The following ZBED3 variants were observed in gnomAD, a reference collection of about 807,000 sequenced individuals.
ZBED3 encodes the protein zinc finger BED-type containing 3.
For missense variants in ZBED3, 388 were observed against 362.9 expected, an observed-to-expected ratio of 1.07 and a Z score of -0.56; for synonymous variants, 175 against 180.0, an observed-to-expected ratio of 0.97 and a Z score of 0.22.
intron 1 of ZBED3, among the ~76,000 whole-genome samples, chr5:77,081,934 G>T (rs1388409114): frequency 1.3e-5 from 2 of 152,008 alleles, no homozygotes; most frequent in South Asian, 4.2e-4. Context: ...CAACAATTCT[G>T]ATACCTGTGT....
chr5:77,075,967 G>GTATATA lies in ZBED3; in HGVS notation c.*1206_*1207insTATATA. The GTATATA allele has an allele frequency of 3.3e-5, 1 of 30,626 alleles. No homozygotes were observed. Among genetic ancestry groups the GTATATA allele is most frequent in the Non-Finnish European group, 6.8e-5 (1 of 14,746 alleles). The allele number at this position is 30,626 out of a possible 1,614,324, so 1.9% of individuals were successfully genotyped here. ...TACATATATATATATATATATATAT[G>GTATATA]TATATGTATATATGTATATATATAT... On this transcript the variant is annotated 3_prime_UTR_variant, in exon 3 of 3. Coordinates refer to ENST00000255198, the MANE Select transcript of ZBED3 (RefSeq NM_032367.4).
In ZBED3 at chr5:77,075,434, A is replaced by C. The variant is rs1742955588; in HGVS notation, c.*1740T>G. The C allele has an allele frequency of 6.6e-6, 1 of 152,322 alleles. No individual in the cohort carries two copies. Among genetic ancestry groups the C allele is most frequent in the East Asian group, 1.9e-4 (1 of 5,176 alleles). 9.4% of individuals were successfully genotyped at this position (152,322 alleles called of 1,614,324 possible). A position where few individuals can be genotyped will look rare whatever the true frequency, so the allele number is the denominator to read the frequency against. ...GAATACTGATTAAGGGCTCTGTATTAGAGGCTATAAAGAAGTTACTGTTTA... is the reference window on the plus strand; with the variant it reads ...GAATACTGATTAAGGGCTCTGTATTCGAGGCTATAAAGAAGTTACTGTTTA... On this transcript the variant is annotated 3_prime_UTR_variant, in exon 3 of 3. Transcript: ENST00000255198.
Position 77,077,215 on chromosome 5 carries a change from C to G in ZBED3, c.664G>C (p.Gly222Arg). The change falls in exon 3 of 3, where the codon GGT (glycine) becomes CGT (arginine). Residue 222 changes from glycine (G) to arginine (R), a missense_variant. By Grantham distance (125) the Gly-to-Arg change is moderately radical. Transcript: ENST00000255198. ...APPPLKDDPEGDRDGCVITKV... is the reference protein window; with the variant it reads ...APPPLKDDPERDRDGCVITKV... ...GTGATGACGCAGCCGTCCCTGTCAC[C>G]CTCGGGGTCGTCCTTGAGCGGCGGC... 4.0e-6 allele frequency: 6 copies of G among 1,500,756 alleles called. No individual in the cohort carries two copies. Among genetic ancestry groups the G allele is most frequent in the Non-Finnish European group, 5.3e-6 (6 of 1,130,862 alleles). 93.0% of individuals were successfully genotyped at this position (1,500,756 alleles called of 1,614,324 possible).
At chr5:77,081,205 A>G (rs886126219) in intron 1 of ZBED3, among the ~76,000 whole-genome samples, 1 of 152,232 alleles carries the variant, frequency 6.6e-6, no homozygotes, top group Non-Finnish European at 1.5e-5. Flanking sequence ...TTTTACATCC[A>G]TCACACCAAG....
At chr5:77,085,143 A>C (rs1365751153) in intron 1 of ZBED3, among the ~76,000 whole-genome samples, 1 of 152,218 alleles carries the variant, frequency 6.6e-6, no homozygotes, top group African/African-American at 2.4e-5. Flanking sequence ...CATTTGACTC[A>C]ATTTCTGAAG....
Position 77,076,049 on chromosome 5 carries a change from A to G in ZBED3, c.*1125T>C, listed in dbSNP as rs868607641. ...TATATATATGTATATATGTATATATATATATAATATATACACACATAAAGA... is the reference window on the plus strand; with the variant it reads ...TATATATATGTATATATGTATATATGTATATAATATATACACACATAAAGA... On this transcript the variant is annotated 3_prime_UTR_variant, in exon 3 of 3. Transcript: ENST00000255198. 6.9e-4 allele frequency: 86 copies of G among 125,468 alleles called. 6 individuals carry two copies. Among genetic ancestry groups the G allele is most frequent in the Non-Finnish European group, 1.1e-3 (64 of 59,824 alleles). 7.8% of individuals were successfully genotyped at this position (125,468 alleles called of 1,614,324 possible). A position where few individuals can be genotyped will look rare whatever the true frequency, so the allele number is the denominator to read the frequency against.
At chr5:77,080,923 TAAAGTATAA>T (rs547904285) in intron 1 of ZBED3, among the ~76,000 whole-genome samples, 1 of 152,248 alleles carries the variant, frequency 6.6e-6, no homozygotes, top group East Asian at 1.9e-4. Context: ...CCCTAGAACT[TAAAGTATAA>T]ACAAAAAACA....
Position 77,075,810 on chromosome 5 carries a change from G to C in ZBED3, c.*1364C>G, listed in dbSNP as rs1176579562. On this transcript the variant is annotated 3_prime_UTR_variant, in exon 3 of 3. Transcript: ENST00000255198. ...CCACCTACCAAGAGAGCAATTTCAA[G>C]GGAGAGATTAAGCAAAATGAAGGCT... The C allele has an allele frequency of 6.6e-6, 1 of 150,946 alleles. No individual in the cohort carries two copies. The highest frequency in any genetic ancestry group is 2.4e-5 in the African/African-American group (1 of 41,104). The allele number at this position is 150,946 out of a possible 1,614,324, so 9.4% of individuals were successfully genotyped here.
intron 1 of ZBED3, among the ~76,000 whole-genome samples, chr5:77,081,359 T>G (rs1426043812): frequency 2.0e-5 from 3 of 151,774 alleles, no homozygotes; most frequent in Non-Finnish European, 4.4e-5. Context: ...TTTTTTAATT[T>G]TTTTTAAGAC....
At position 77,077,523 on chromosome 5, in the gene ZBED3, G is replaced by A. The variant is rs1743045107; in HGVS notation, c.356C>T (p.Pro119Leu). 1 of 1,204,902 alleles carries A rather than the reference G, an allele frequency of 8.3e-7. No homozygotes were observed. The highest frequency in any genetic ancestry group is 1.0e-6 in the Non-Finnish European group (1 of 973,728). 74.6% of individuals were successfully genotyped at this position (1,204,902 alleles called of 1,614,324 possible). Residue 119 changes from proline to leucine, a missense_variant, in exon 3 of 3, where the codon CCC becomes CTC. By Grantham distance (98) the Pro-to-Leu change is moderately conservative (BLOSUM62 -3). Coordinates refer to ENST00000255198, the MANE Select transcript of ZBED3 (RefSeq NM_032367.4). Reference sequence around the variant, plus strand: ...GCCCTCGGGGGCCGCAGCGGGGCCGGGCGGCGGCGGGCAGGGCGCGGCAGG... The same window carrying A: ...GCCCTCGGGGGCCGCAGCGGGGCCGAGCGGCGGCGGGCAGGGCGCGGCAGG... ...SPPAAPCPPPPGPAAAPEGDW... is the reference protein window; with the variant it reads ...SPPAAPCPPPLGPAAAPEGDW...
chr5:77,080,419 G>A, intron 1 of ZBED3: 1 of 467,816 alleles, frequency 2.1e-6, no homozygotes, highest in South Asian at 1.6e-5. Context: ...CCTGAGCCAG[G>A]GACAGGCTGC....
At chr5:77,078,950 A>G (rs1233291699) in intron 1 of ZBED3, 1 of 152,248 alleles carries the variant, frequency 6.6e-6, no homozygotes, top group East Asian at 1.9e-4. Context: ...AGTTTGCTCA[A>G]TACTTTTAAT....
intron 1 of ZBED3, among the ~76,000 whole-genome samples, chr5:77,082,778 G>A (rs1226220500): frequency 6.6e-6 from 1 of 152,166 alleles, no homozygotes; most frequent in African/African-American, 2.4e-5. Context: ...GTGATCACGT[G>A]TATACATTTA....
rs1414187720 is a variant in ZBED3 at position 77,076,055 on chromosome 5, A to ATATATC, written c.*1118_*1119insGATATA. 1 of 134,552 alleles carries ATATATC rather than the reference A, an allele frequency of 7.4e-6. No individual in the cohort carries two copies. The highest frequency in any genetic ancestry group is 1.6e-5 in the Non-Finnish European group (1 of 63,602). The allele number at this position is 134,552 out of a possible 1,614,324, so 8.3% of individuals were successfully genotyped here. On this transcript the variant is annotated 3_prime_UTR_variant, in exon 3 of 3. Coordinates refer to ENST00000255198, the MANE Select transcript of ZBED3 (RefSeq NM_032367.4). ...TATGTATATATGTATATATATATAT[A>ATATATC]ATATATACACACATAAAGAAAAAAA...
chr5:77,077,087 CGGTTACGGCTTCGGTCCCAGCG>C lies in ZBED3; in HGVS notation c.*65_*86del, dbSNP rs1743020682. On this transcript the variant is annotated 3_prime_UTR_variant, in exon 3 of 3. Coordinates refer to ENST00000255198, the MANE Select transcript of ZBED3 (RefSeq NM_032367.4). ...TGAGTAGCGGCTGCGGGCCTGGCTT[CGGTTACGGCTTCGGTCCCAGCG>C]GGGTCTGAAGGCATTGGCATTGGAC... The C allele has an allele frequency of 9.5e-7, 1 of 1,054,622 alleles. No homozygotes were observed. The highest frequency in any genetic ancestry group is 4.3e-5 in the Admixed American group (1 of 23,470). The allele number at this position is 1,054,622 out of a possible 1,614,324, so 65.3% of individuals were successfully genotyped here.
intron 1 of ZBED3, among the ~76,000 whole-genome samples, chr5:77,085,463 A>G (rs1363862067): frequency 6.6e-6 from 1 of 152,238 alleles, no homozygotes; most frequent in African/African-American, 2.4e-5. Flanking sequence ...TTGTCCTTCT[A>G]TACTCAAGGC....
In ZBED3 at chr5:77,072,558, C is replaced by T. The variant is rs904869447; in HGVS notation, c.*4616G>A. 2 of 152,184 alleles carry T rather than the reference C, an allele frequency of 1.3e-5. No individual in the cohort carries two copies. Among genetic ancestry groups the T allele is most frequent in the African/African-American group, 4.8e-5 (2 of 41,442 alleles). The allele number at this position is 152,184 out of a possible 1,614,324, so 9.4% of individuals were successfully genotyped here. A position where few individuals can be genotyped will look rare whatever the true frequency, so the allele number is the denominator to read the frequency against. ...GGAATAACTGTATAGTCTTCCAGGT[C>T]TTCTACTTTGAAGAGAGATGACTTA... On this transcript the variant is annotated 3_prime_UTR_variant, in exon 3 of 3. Transcript: ENST00000255198.
At chr5:77,083,932 A>G (rs911689146) in intron 1 of ZBED3, among the ~76,000 whole-genome samples, 8 of 152,188 alleles carry the variant, frequency 5.3e-5, no homozygotes, top group South Asian at 4.1e-4. Context: ...CAAATACCCA[A>G]TGAGAATGCA....
At position 77,077,081 on chromosome 5, in the gene ZBED3, T is replaced by C; in HGVS notation, c.*93A>G. 1.0e-6 allele frequency: 1 copy of C among 993,566 alleles called. No individual in the cohort carries two copies. The highest frequency in any genetic ancestry group is 1.3e-6 in the Non-Finnish European group (1 of 761,144). 61.5% of individuals were successfully genotyped at this position (993,566 alleles called of 1,614,324 possible). A position where few individuals can be genotyped will look rare whatever the true frequency, so the allele number is the denominator to read the frequency against. The stretch of plus-strand genomic sequence containing the variant: ...TCCGAGTGAGTAGCGGCTGCGGGCC[T>C]GGCTTCGGTTACGGCTTCGGTCCCA... On this transcript the variant is annotated 3_prime_UTR_variant, in exon 3 of 3. Coordinates refer to ENST00000255198, the MANE Select transcript of ZBED3 (RefSeq NM_032367.4).
Sources: allele counts gnomAD v4.1 joint callset (sites outside exome capture counted in the v4.1 genomes callset), GRCh38; gene constraint gnomAD v4.1.1; transcripts MANE v1.5; gene names NCBI Gene and HGNC (gene_info 2026-07-23, HGNC 2026-07-21).